SDK1: variants seen among roughly 807,000 people sequenced by gnomAD.
The protein encoded by SDK1 is protein sidekick-1.
A neutral mutation model predicts 245.5 loss-of-function variants in SDK1; 157 were observed. The ratio of observed to expected loss-of-function variants is 0.64; its 90% CI spans 0.56 to 0.73. The LOEUF is 0.73. Ranked by LOEUF, SDK1 falls within the 30% of genes least tolerant of loss-of-function variation. The probability of loss-of-function intolerance (pLI) is 0.00; values close to 1 mark genes in which losing one functional copy is unlikely to be tolerated. For synonymous variants in SDK1, 1,647 were observed against 1,278.5 expected, an observed-to-expected ratio of 1.29 and a Z score of -6.15; for missense variants, 3,583 against 3,002.3, an observed-to-expected ratio of 1.19 and a Z score of -4.52.
chr7:3,481,065 A>G (rs1781507952), intron 1 of SDK1, among the ~76,000 whole-genome samples: 1 of 152,224 alleles, frequency 6.6e-6, no homozygotes, highest in African/African-American at 2.4e-5. Context: ...AAAGAGTTAT[A>G]CTTACTATGA....
chr7:3,311,108 G>C (rs909496815), intron 1 of SDK1, among the ~76,000 whole-genome samples: 8 of 152,158 alleles, frequency 5.3e-5, no homozygotes, highest in Non-Finnish European at 5.9e-5. Context: ...AGTATGGACA[G>C]TTGACATAAC....
chr7:3,543,954 A>G (rs768475693), intron 1 of SDK1, among the ~76,000 whole-genome samples: 2 of 152,230 alleles, frequency 1.3e-5, no homozygotes, highest in Non-Finnish European at 2.9e-5. Flanking sequence ...AAAAACGATC[A>G]TTTCTCTATG....
At chr7:3,426,125 T>C (rs1330509042) in intron 1 of SDK1, among the ~76,000 whole-genome samples, 3 of 152,140 alleles carry the variant, frequency 2.0e-5, no homozygotes, top group Non-Finnish European at 2.9e-5. Context: ...GGAAGACAGG[T>C]TGGTCAGGAG....
At position 4,267,230 on chromosome 7, in the gene SDK1, C is replaced by T. The variant is rs1583212019; in HGVS notation, c.*1846C>T. ...TACCCCTCCTTTCCTTCCTTCCTCC[C>T]TTCCTCTCTTCTTTCCTCCCTCCCT... On this transcript the variant is annotated 3_prime_UTR_variant, in exon 45 of 45. Coordinates refer to ENST00000404826, the MANE Select transcript of SDK1 (RefSeq NM_152744.4). 3 of 856,448 alleles carry T rather than the reference C, an allele frequency of 3.5e-6. No homozygotes were observed. The highest frequency in any genetic ancestry group is 4.2e-6 in the Non-Finnish European group (3 of 713,052). The allele number at this position is 856,448 out of a possible 1,614,324, so 53.1% of individuals were successfully genotyped here.
intron 21 of SDK1, among the ~76,000 whole-genome samples, chr7:4,077,892 A>T (rs1013597052): frequency 4.6e-5 from 7 of 152,152 alleles, no homozygotes; most frequent in African/African-American, 1.7e-4. Context: ...ATCAATGATG[A>T]TGGTGTGTGG....
intron 5 of SDK1, among the ~76,000 whole-genome samples, chr7:3,858,866 CTT>C (rs11464569): frequency 1.6e-4 from 21 of 131,276 alleles, no homozygotes; most frequent in Admixed American, 2.4e-4. Flanking sequence ...TTTCTTTTTT[CTT>C]TTTTTTTTTT....
At chr7:3,778,071 G>GT (rs1159249877) in intron 4 of SDK1, among the ~76,000 whole-genome samples, 1 of 152,142 alleles carries the variant, frequency 6.6e-6, no homozygotes, top group African/African-American at 2.4e-5. Context: ...TTCTGACAAA[G>GT]TAACATTTTT....
chr7:3,950,967 C>A lies in SDK1; in HGVS notation c.892C>A (p.Pro298Thr). The part of the protein sequence containing the change: ...PETMAPTIVV[P>T]PGNRSVVAGS... Reference sequence around the variant, plus strand: ...AACCATGGCCCCAACCATTGTGGTTCCCCCGGGCAACAGAAGTGTGGTGGC... The same window carrying A: ...AACCATGGCCCCAACCATTGTGGTTACCCCGGGCAACAGAAGTGTGGTGGC... The change falls in exon 6 of 45, where the codon CCC becomes ACC. Residue 298 changes from proline to threonine, a missense_variant. By Grantham distance (38) the Pro-to-Thr change is conservative. Coordinates refer to ENST00000404826, the MANE Select transcript of SDK1 (RefSeq NM_152744.4). 6.2e-7 allele frequency: 1 copy of A among 1,613,866 alleles called. No homozygotes were observed. The highest frequency in any genetic ancestry group is 2.2e-5 in the East Asian group (1 of 44,868).
At chr7:4,157,443 A>AAGGG (rs1562899696) in intron 30 of SDK1, among the ~76,000 whole-genome samples, 1 of 98,350 alleles carries the variant, frequency 1.0e-5, no homozygotes, top group South Asian at 3.5e-4. Context: ...AGAGAAAAGG[A>AAGGG]GGGAAGGGAG....
At chr7:3,670,893 G>A (rs1387750993) in intron 4 of SDK1, among the ~76,000 whole-genome samples, 1 of 152,178 alleles carries the variant, frequency 6.6e-6, no homozygotes, top group Non-Finnish European at 1.5e-5. Context: ...CTCAGTTCAA[G>A]AGTAACCTTT....
chr7:3,626,235 C>G (rs1583242705), intron 2 of SDK1, among the ~76,000 whole-genome samples: 1 of 152,092 alleles, frequency 6.6e-6, no homozygotes, highest in South Asian at 2.1e-4. Context: ...CCACCACTTC[C>G]AGACCGAAAG....
chr7:3,447,423 C>A (rs1691689151), intron 1 of SDK1, among the ~76,000 whole-genome samples: 1 of 152,096 alleles, frequency 6.6e-6, no homozygotes, highest in Non-Finnish European at 1.5e-5. Flanking sequence ...AGTACACACA[C>A]ACACTCACTT....
intron 4 of SDK1, among the ~76,000 whole-genome samples, chr7:3,688,078 T>C (rs954706917): frequency 2.0e-5 from 3 of 152,240 alleles, no homozygotes; most frequent in African/African-American, 7.2e-5. Context: ...GGGAAGCCAG[T>C]GTACTAAGAG....
chr7:4,116,649 C>T (rs1783731229), intron 25 of SDK1, among the ~76,000 whole-genome samples: 1 of 152,258 alleles, frequency 6.6e-6, no homozygotes, highest in African/African-American at 2.4e-5. Context: ...GCCAAAGCTC[C>T]TGTGCCACTT....
chr7:3,663,585 G>A (rs1783433251), intron 4 of SDK1, among the ~76,000 whole-genome samples: 1 of 152,130 alleles, frequency 6.6e-6, no homozygotes, highest in African/African-American at 2.4e-5. Context: ...CAGAGAGGGG[G>A]ACAGTGTGTG....
intron 1 of SDK1, among the ~76,000 whole-genome samples, chr7:3,573,483 A>T (rs1780181490): frequency 6.6e-6 from 1 of 152,038 alleles, no homozygotes; most frequent in African/African-American, 2.4e-5. Flanking sequence ...CCCCCATCAC[A>T]GGCTGAGGAC....
chr7:3,769,608 C>T (rs1003600469), intron 4 of SDK1, among the ~76,000 whole-genome samples: 1 of 152,024 alleles, frequency 6.6e-6, no homozygotes, highest in Non-Finnish European at 1.5e-5. Context: ...CAAGCCATAG[C>T]GGTGACATCT....
intron 4 of SDK1, among the ~76,000 whole-genome samples, chr7:3,698,583 A>G (rs1784643494): frequency 6.6e-6 from 1 of 152,190 alleles, no homozygotes. Flanking sequence ...AGGCTGCTAT[A>G]GTAAAACACC....
chr7:4,215,773 A>G (rs2128229898), intron 38 of SDK1, among the ~76,000 whole-genome samples: 1 of 152,232 alleles, frequency 6.6e-6, no homozygotes, highest in East Asian at 1.9e-4. Flanking sequence ...AGCACCTATT[A>G]CTTGATGCGT....
Sources: gnomAD v4.1 joint callset for allele counts (sites outside exome capture counted in the v4.1 genomes callset) on GRCh38, gnomAD v4.1.1 for gene constraint, MANE v1.5 for transcripts, NCBI Gene and HGNC (gene_info 2026-07-23, HGNC 2026-07-21) for gene names.